FCRL2: variants seen among roughly 807,000 people sequenced by gnomAD.
FCRL2 encodes the protein Fc receptor like 2.
Under a neutral mutation model 59.8 loss-of-function variants are expected in FCRL2, and 48 were observed. The observed-to-expected ratio is 0.80, with a 90% CI of 0.64 to 1.02. The LOEUF is 1.02. Ranked by LOEUF, FCRL2 falls within the 50% of genes least tolerant of loss-of-function variation. The probability of loss-of-function intolerance (pLI) is 0.00; values close to 1 mark genes in which losing one functional copy is unlikely to be tolerated. For missense variants in FCRL2, 658 were observed against 597.3 expected (o/e 1.10, Z -1.06); for synonymous variants, 251 against 229.5 (o/e 1.09, Z -0.85).
rs1353600788 is a variant in FCRL2 at position 157,767,080 on chromosome 1, T to A, written c.1163-109A>T. On this transcript the variant is annotated intron_variant, in intron 6 of 11. Coordinates refer to ENST00000361516, the MANE Select transcript of FCRL2 (RefSeq NM_030764.4). The stretch of plus-strand genomic sequence containing the variant: ...AAATTCAAGTAAGAGATCATTGAAG[T>A]GTAGTCTGTACTCTTCAGGTTAGTG... The A allele has an allele frequency of 7.7e-6, 10 of 1,303,002 alleles. No individual in the cohort carries two copies. In the East Asian group the frequency reaches 2.3e-4, roughly 30 times the overall value. The allele number at this position is 1,303,002 out of a possible 1,614,324, so 80.7% of individuals were successfully genotyped here. A position where few individuals can be genotyped will look rare whatever the true frequency, so the allele number is the denominator to read the frequency against.
chr1:157,770,554 G>T lies in FCRL2; in HGVS notation c.165C>A (p.Asn55Lys). ...KIQKMAYHKD[N>K]KELSVFKKFS... ...ATTTTTTGAAAACAGATAACTCTTT[G>T]TTATCCTTATGGTAAGCCATCTTCT... The change falls in exon 3 of 12, where the codon AAC (asparagine) becomes AAA (lysine). Residue 55 changes from asparagine to lysine, a missense_variant. Physicochemically the swap from Asn to Lys is moderately conservative, Grantham distance 94. Transcript: ENST00000361516. The T allele has an allele frequency of 6.2e-7, 1 of 1,614,182 alleles. No homozygotes were observed. Among genetic ancestry groups the T allele is most frequent in the South Asian group, 1.1e-5 (1 of 91,078 alleles).
At chr1:157,765,834 C>A (rs925941815) in intron 7 of FCRL2, among the ~76,000 whole-genome samples, 3 of 152,208 alleles carry the variant, frequency 2.0e-5, no homozygotes, top group Non-Finnish European at 4.4e-5. Flanking sequence ...GTAGAAGTGA[C>A]AAAACATCAT....
chr1:157,776,941 A>G, intron 1 of FCRL2, 102 bp downstream of exon 1: 1 of 1,136,028 alleles, frequency 8.8e-7, no homozygotes. Flanking sequence ...GGACCTGAGC[A>G]TCCCCACCAG....
rs1198045379 is a variant in FCRL2, at chr1:157,767,401, A to G, written c.992T>C (p.Leu331Ser). Residue 331 changes from leucine (L) to serine (S), a missense_variant, in exon 6 of 12, where the codon TTG becomes TCG. Leu to Ser is a moderately radical substitution (Grantham distance 145). Coordinates refer to ENST00000361516, the MANE Select transcript of FCRL2 (RefSeq NM_030764.4). Reference sequence around the variant, plus strand: ...GACATCCTCATGATAAAATTGGTACAAGATTGGGGGAGAGCCTCTCAGGGC... The same window carrying G: ...GACATCCTCATGATAAAATTGGTACGAGATTGGGGGAGAGCCTCTCAGGGC... Reference protein sequence around the residue: ...CEALRGSPPILYQFYHEDVTL... With the variant: ...CEALRGSPPISYQFYHEDVTL... 1.2e-6 allele frequency: 2 copies of G among 1,614,220 alleles called. No homozygotes were observed. Among genetic ancestry groups the G allele is most frequent in the East Asian group, 4.5e-5 (2 of 44,880 alleles).
intron 10 of FCRL2, among the ~76,000 whole-genome samples, chr1:157,747,952 C>T (rs999955118): frequency 6.6e-6 from 1 of 152,196 alleles, no homozygotes; most frequent in Non-Finnish European, 1.5e-5. Context: ...CCTTCTTTTG[C>T]CTTGAATCTT....
At chr1:157,756,696 G>A (rs6686902) in intron 7 of FCRL2, among the ~76,000 whole-genome samples, 7 of 131,242 alleles carry the variant, frequency 5.3e-5, no homozygotes, top group African/African-American at 1.8e-4. Flanking sequence ...AAAAAAAAAA[G>A]GTTGGATATC....
chr1:157,774,737 C>T (rs1304988014), intron 2 of FCRL2, among the ~76,000 whole-genome samples: 1 of 152,146 alleles, frequency 6.6e-6, no homozygotes, highest in East Asian at 1.9e-4. Flanking sequence ...AGAATGAATG[C>T]AAGAGACCAG....
chr1:157,748,768 GGCCTCTGGTGTTGGGGT>G, intron 9 of FCRL2, 90 bp downstream of exon 9: 1 of 1,183,308 alleles, frequency 8.5e-7, no homozygotes, highest in South Asian at 1.3e-5. Flanking sequence ...GGAATGGCTG[GGCCTCTGGTGTTGGGGT>G]GTCTACACCA....
At chr1:157,766,197 C>A (rs981571497) in intron 7 of FCRL2, among the ~76,000 whole-genome samples, 1 of 152,206 alleles carries the variant, frequency 6.6e-6, no homozygotes, top group Non-Finnish European at 1.5e-5. Flanking sequence ...CCTGGCCAGG[C>A]GCTGTGGCTC....
intron 2 of FCRL2, among the ~76,000 whole-genome samples, chr1:157,774,801 C>G (rs1319773694): frequency 6.6e-6 from 1 of 152,150 alleles, no homozygotes; most frequent in East Asian, 1.9e-4. Flanking sequence ...CCTGGACACT[C>G]TTGTTCCATT....
chr1:157,748,109 C>T (rs1287249283), intron 10 of FCRL2, among the ~76,000 whole-genome samples: 1 of 152,130 alleles, frequency 6.6e-6, no homozygotes, highest in East Asian at 1.9e-4. Flanking sequence ...CTATCAAGGG[C>T]AAGTGATGTA....
chr1:157,770,849 T>C (rs1290722034), intron 2 of FCRL2, among the ~76,000 whole-genome samples, 183 bp from the exon 3 acceptor site: 3 of 152,260 alleles, frequency 2.0e-5, no homozygotes, highest in Non-Finnish European at 2.9e-5. Flanking sequence ...TAGCTTGTGC[T>C]GCTATCACAA....
chr1:157,748,636 G>A lies in FCRL2; in HGVS notation c.1394-18C>T. On this transcript the variant is annotated intron_variant, in intron 9 of 11. Coordinates refer to ENST00000361516, the MANE Select transcript of FCRL2 (RefSeq NM_030764.4). The stretch of plus-strand genomic sequence containing the variant: ...AGAGCCCACTGCAGGGAGAAGACAA[G>A]AGTTCACAGATGTTGGTGGCCCAGG... 6.2e-7 allele frequency: 1 copy of A among 1,611,500 alleles called. No individual in the cohort carries two copies. The highest frequency in any genetic ancestry group is 8.5e-7 in the Non-Finnish European group (1 of 1,177,790).
chr1:157,748,821 C>A (rs1647959583), intron 9 of FCRL2, 54 bp downstream of exon 9: 1 of 1,552,458 alleles, frequency 6.4e-7, no homozygotes, highest in Non-Finnish European at 8.9e-7. Context: ...CCGCTCCTGT[C>A]TCCTCTTTCT....
Position 157,767,325 on chromosome 1 carries a change from G to A in FCRL2, c.1068C>T (p.Leu356=), listed in dbSNP as rs772384122. 6.2e-7 allele frequency: 1 copy of A among 1,614,232 alleles called. No homozygotes were observed. The highest frequency in any genetic ancestry group is 1.1e-5 in the South Asian group (1 of 91,086). ...APSGGGASFN[L]SLTAEHSGNY... is the part of the protein sequence containing the mutation. ...TTCCAGAATGTTCTGCAGTCAAAGAGAGGTTGAAGGAGGCCCCTCCTCCAG... is the reference window on the plus strand; with the variant it reads ...TTCCAGAATGTTCTGCAGTCAAAGAAAGGTTGAAGGAGGCCCCTCCTCCAG... Residue 356 remains leucine, a synonymous_variant, in exon 6 of 12, where the codon CTC becomes CTT. Transcript: ENST00000361516.
At position 157,768,561 on chromosome 1, in the gene FCRL2, T is replaced by C. The variant is rs1649714419; in HGVS notation, c.736A>G (p.Thr246Ala). 6.2e-7 allele frequency: 1 copy of C among 1,614,240 alleles called. No homozygotes were observed. The highest frequency in any genetic ancestry group is 8.5e-7 in the Non-Finnish European group (1 of 1,180,034). Residue 246 changes from threonine to alanine, a missense_variant, in exon 5 of 12, where the codon ACC becomes GCC. Physicochemically the swap from Thr to Ala is moderately conservative, Grantham distance 58. Transcript: ENST00000361516. ...CGCTGGGTTTTCTTTCCCATACTGGTTCCTGTGGCCTCTCTGTACCAGGAG... is the reference window on the plus strand; with the variant it reads ...CGCTGGGTTTTCTTTCCCATACTGGCTCCTGTGGCCTCTCTGTACCAGGAG... The part of the protein sequence containing the change: ...TFSWYREATG[T>A]SMGKKTQRSL...
chr1:157,747,765 G>A (rs1647860380), intron 10 of FCRL2, among the ~76,000 whole-genome samples: 1 of 152,222 alleles, frequency 6.6e-6, no homozygotes. Flanking sequence ...GCAGAACTCA[G>A]CAGTTCCTGC....
chr1:157,756,437 C>T (rs1648594333), intron 7 of FCRL2, among the ~76,000 whole-genome samples: 1 of 152,144 alleles, frequency 6.6e-6, no homozygotes, highest in African/African-American at 2.4e-5. Context: ...AATCCCAGTG[C>T]TTTGGGAGGC....
intron 7 of FCRL2, among the ~76,000 whole-genome samples, chr1:157,762,902 T>C (rs567980158): frequency 4.1e-4 from 62 of 152,248 alleles, no homozygotes; most frequent in Non-Finnish European, 7.8e-4. Flanking sequence ...GCTGATACAG[T>C]TCATCACCAC....
Sources: gnomAD v4.1 joint callset for allele counts (sites outside exome capture counted in the v4.1 genomes callset) on GRCh38, gnomAD v4.1.1 for gene constraint, MANE v1.5 for transcripts, NCBI Gene and HGNC (gene_info 2026-07-23, HGNC 2026-07-21) for gene names.